RALB: variants seen among roughly 807,000 people sequenced by gnomAD.
RALB encodes the protein ras-related protein Ral-B.
A neutral mutation model predicts 21.3 loss-of-function variants in RALB; 16 were observed. That is an observed-to-expected ratio of 0.75 (90% CI 0.51 to 1.14). RALB has a LOEUF of 1.14. RALB is among the 50% of genes most tolerant of loss of function. The probability of loss-of-function intolerance (pLI) is 0.00; values close to 1 mark genes in which losing one functional copy is unlikely to be tolerated. For synonymous variants in RALB, 93 were observed against 96.1 expected (o/e 0.97, Z 0.19); for missense variants, 161 against 256.2 (o/e 0.63, Z 2.54).
intron 1 of RALB, among the ~76,000 whole-genome samples, chr2:120,259,361 T>C (rs923863512): frequency 2.0e-5 from 3 of 152,184 alleles, no homozygotes; most frequent in Admixed American, 2.0e-4. Context: ...ACAAAGGTTC[T>C]CCACGTCCCC....
intron 1 of RALB, among the ~76,000 whole-genome samples, chr2:120,268,571 G>A (rs1219521221): frequency 6.6e-6 from 1 of 152,222 alleles, no homozygotes; most frequent in Admixed American, 6.5e-5. Flanking sequence ...CAGGACGGGA[G>A]TGTGTGTGGG....
chr2:120,278,927 G>C lies in RALB; in HGVS notation c.114+149G>C, dbSNP rs1035875899. 8.4e-5 allele frequency: 51 copies of C among 610,542 alleles called. No homozygotes were observed. In the African/African-American group the frequency reaches 9.4e-4, roughly 11 times the overall value. The allele number at this position is 610,542 out of a possible 1,614,324, so 37.8% of individuals were successfully genotyped here. On this transcript the variant is annotated intron_variant, in intron 2 of 4. Coordinates refer to ENST00000272519, the MANE Select transcript of RALB (RefSeq NM_002881.3). Reference sequence around the variant, plus strand: ...GGCTTCTGAATAGCTTCCTAGGAAGGTCTAATCAGCATAAGATCTGGATTG... The same window carrying C: ...GGCTTCTGAATAGCTTCCTAGGAAGCTCTAATCAGCATAAGATCTGGATTG...
chr2:120,256,730 A>G (rs947308898), intron 1 of RALB, among the ~76,000 whole-genome samples: 9 of 152,182 alleles, frequency 5.9e-5, no homozygotes, highest in Non-Finnish European at 8.8e-5. Flanking sequence ...AGAACAGACT[A>G]ATCCAGTGTC....
At chr2:120,245,853 C>T (rs1574840810) in intron 1 of RALB, among the ~76,000 whole-genome samples, 1 of 152,308 alleles carries the variant, frequency 6.6e-6, no homozygotes, top group East Asian at 1.9e-4. Context: ...GTCATTGCTG[C>T]TTTATTTTCG....
chr2:120,280,709 AAAAAG>A (rs1310273391), intron 2 of RALB: 4 of 217,904 alleles, frequency 1.8e-5, no homozygotes, highest in Non-Finnish European at 3.4e-5. Flanking sequence ...AACTTAAAGT[AAAAAG>A]AAAAAAAAAA....
intron 1 of RALB, among the ~76,000 whole-genome samples, chr2:120,263,839 T>G (rs369738275): frequency 1.3e-5 from 2 of 150,464 alleles, no homozygotes; most frequent in East Asian, 4.0e-4. Context: ...CTGTCCTATA[T>G]TTTATTTTAT....
At chr2:120,253,821 T>C in intron 1 of RALB, 2 of 532,002 alleles carry the variant, frequency 3.8e-6, no homozygotes, top group Non-Finnish European at 4.8e-6. Flanking sequence ...CTGGGTTACC[T>C]GTGACTCATC....
chr2:120,262,460 G>A (rs1306628821), intron 1 of RALB, among the ~76,000 whole-genome samples: 3 of 152,160 alleles, frequency 2.0e-5, no homozygotes, highest in Non-Finnish European at 4.4e-5. Flanking sequence ...GACCAGGTGG[G>A]TTAGCCATTT....
intron 4 of RALB, among the ~76,000 whole-genome samples, chr2:120,292,612 AAT>A (rs1367522854): frequency 6.6e-6 from 1 of 152,170 alleles, no homozygotes; most frequent in Non-Finnish European, 1.5e-5. Context: ...TATATGCAAA[AAT>A]ATGTCTTACC....
intron 1 of RALB, among the ~76,000 whole-genome samples, chr2:120,241,588 T>C (rs536484580): frequency 6.6e-6 from 1 of 152,208 alleles, no homozygotes; most frequent in East Asian, 1.9e-4. Context: ...TATCTGGGCA[T>C]GGTGGTGTGC....
At chr2:120,252,542 C>G (rs1386504832), upstream of RALB, among the ~76,000 whole-genome samples, 1 of 152,250 alleles carries the variant, frequency 6.6e-6, no homozygotes, top group Non-Finnish European at 1.5e-5. Flanking sequence ...CTTGTGCACC[C>G]GCACCCGCCC....
chr2:120,249,853 G>A (rs983915976), upstream of RALB, among the ~76,000 whole-genome samples: 5 of 152,024 alleles, frequency 3.3e-5, no homozygotes, highest in African/African-American at 1.2e-4. Context: ...TCCCCTTCCA[G>A]CCCTGTGTGA....
At chr2:120,286,338 A>G (rs1190233396) in intron 3 of RALB, among the ~76,000 whole-genome samples, 1 of 152,222 alleles carries the variant, frequency 6.6e-6, no homozygotes, top group Non-Finnish European at 1.5e-5. Flanking sequence ...ACTGTCCCCG[A>G]AAACAATGAA....
Position 120,289,689 on chromosome 2 carries a change from A to T in RALB, c.433A>T (p.Ser145Cys). The T allele has an allele frequency of 6.2e-7, 1 of 1,614,226 alleles. No individual in the cohort carries two copies. Among genetic ancestry groups the T allele is most frequent in the Non-Finnish European group, 8.5e-7 (1 of 1,180,050 alleles). ...RRQVPVEEAR[S>C]KAEEWGVQYV... ...GCAGGTGCCTGTGGAGGAGGCCAGG[A>T]GTAAAGCCGAAGAGTGGGGCGTGCA... The change falls in exon 4 of 5, where the codon AGT becomes TGT. Residue 145 changes from serine to cysteine, a missense_variant. By Grantham distance (112) the Ser-to-Cys change is moderately radical. Coordinates refer to ENST00000272519, the MANE Select transcript of RALB (RefSeq NM_002881.3).
chr2:120,272,218 CTCTTA>C (rs1689681324), intron 1 of RALB, among the ~76,000 whole-genome samples: 2 of 152,136 alleles, frequency 1.3e-5, no homozygotes, highest in Admixed American at 1.3e-4. Flanking sequence ...TCTCTTCCTT[CTCTTA>C]TAAGTGCACC....
intron 1 of RALB, among the ~76,000 whole-genome samples, chr2:120,276,340 C>T (rs544221646): frequency 2.8e-4 from 42 of 152,280 alleles, no homozygotes; most frequent in African/African-American, 9.9e-4. Context: ...GTGGCTCACA[C>T]CTGTAGTCCC....
Position 120,252,863 on chromosome 2 carries a change from C to T in RALB, c.-165C>T, listed in dbSNP as rs1351350970. 1.0e-6 allele frequency: 1 copy of T among 985,522 alleles called. No individual in the cohort carries two copies. Among genetic ancestry groups the T allele is most frequent in the African/African-American group, 1.7e-5 (1 of 57,242 alleles). 61.0% of individuals were successfully genotyped at this position (985,522 alleles called of 1,614,324 possible). On this transcript the variant is annotated 5_prime_UTR_variant, in exon 1 of 5. Transcript: ENST00000272519. ...CGCTCGGGGGGTGGGAAAGCGAGCC[C>T]GGCAGCTCAATGACAAATCGGTGGA... is the stretch of plus-strand genomic sequence containing the variant.
chr2:120,287,684 C>G (rs1690199722), intron 3 of RALB, among the ~76,000 whole-genome samples: 1 of 152,228 alleles, frequency 6.6e-6, no homozygotes, highest in South Asian at 2.1e-4. Flanking sequence ...ACCACACATG[C>G]ACAGATAGCA....
At chr2:120,268,120 A>C (rs777505349) in intron 1 of RALB, among the ~76,000 whole-genome samples, 2 of 152,224 alleles carry the variant, frequency 1.3e-5, no homozygotes, top group Non-Finnish European at 2.9e-5. Context: ...CTATATGAGC[A>C]AACAAAGCAT....
Sources: allele counts gnomAD v4.1 joint callset (sites outside exome capture counted in the v4.1 genomes callset), GRCh38; gene constraint gnomAD v4.1.1; transcripts MANE v1.5; gene names NCBI Gene and HGNC (gene_info 2026-07-23, HGNC 2026-07-21).